PDLIM5: variants seen among roughly 807,000 people sequenced by gnomAD.
PDLIM5 encodes PDZ and LIM domain 5, also known as PDZ and LIM domain protein 5.
A neutral mutation model predicts 64.2 loss-of-function variants in PDLIM5; 34 were observed. The observed-to-expected ratio is 0.53, with a 90% CI of 0.40 to 0.71. The LOEUF is 0.71. Ranked by LOEUF, PDLIM5 falls within the 30% of genes least tolerant of loss-of-function variation. The pLI is 0.00. For missense variants in PDLIM5, 683 were observed against 733.6 expected (o/e 0.93, Z 0.80); for synonymous variants, 253 against 269.1 (o/e 0.94, Z 0.59).
At chr4:94,646,437 T>C (rs1311382728) in intron 9 of PDLIM5, among the ~76,000 whole-genome samples, 2 of 152,204 alleles carry the variant, frequency 1.3e-5, no homozygotes, top group African/African-American at 2.4e-5. Flanking sequence ...AACTTTAGCT[T>C]CCAGAACTGT....
intron 9 of PDLIM5, among the ~76,000 whole-genome samples, chr4:94,650,546 C>A (rs1371230091): frequency 6.6e-6 from 1 of 152,060 alleles, no homozygotes; most frequent in African/African-American, 2.4e-5. Context: ...ACAGTTAGTT[C>A]GTCATCCATA....
chr4:94,461,455 C>G (rs56879631), intron 2 of PDLIM5, among the ~76,000 whole-genome samples: 2,312 of 152,040 alleles, frequency 0.015, 55 homozygotes, highest in African/African-American at 0.053. Flanking sequence ...GTTGAGAAGG[C>G]AGGTTTGGTT....
chr4:94,520,531 T>A (rs1729743924), intron 2 of PDLIM5, among the ~76,000 whole-genome samples: 1 of 152,260 alleles, frequency 6.6e-6, no homozygotes, highest in Non-Finnish European at 1.5e-5. Flanking sequence ...AGATTCATAA[T>A]GCTACATCCT....
intron 3 of PDLIM5, among the ~76,000 whole-genome samples, chr4:94,533,758 C>T (rs951298586): frequency 3.3e-5 from 5 of 152,122 alleles, no homozygotes; most frequent in African/African-American, 1.2e-4. Context: ...AGTATTAGTA[C>T]GGTATCCATT....
rs1727177718 is a variant in PDLIM5, at chr4:94,494,436, T to TTTTTTTTTTTG, written c.97-29278_97-29277insGTTTTTTTTTT. 8.8e-5 allele frequency among the ~76,000 whole-genome samples: 4 copies of TTTTTTTTTTTG among 45,644 alleles called. 1 individual carries two copies. Among genetic ancestry groups the TTTTTTTTTTTG allele is most frequent in the Admixed American group, 5.6e-4 (3 of 5,328 alleles). 29.9% of individuals were successfully genotyped at this position (45,644 alleles called of 152,430 possible). ...TTCACTAATTTTTTTTTTCTTGTTT[T>TTTTTTTTTTTG]TTTTTTTTTTTTTTTTTTTTGAGAC... On this transcript the variant is annotated intron_variant, in intron 2 of 12. Coordinates refer to ENST00000317968, the MANE Select transcript of PDLIM5 (RefSeq NM_006457.5).
At chr4:94,599,699 G>A (rs755815471) in intron 7 of PDLIM5, among the ~76,000 whole-genome samples, 1 of 152,090 alleles carries the variant, frequency 6.6e-6, no homozygotes, top group Admixed American at 6.6e-5. Context: ...TTGGAATGGG[G>A]TGAAGAGGAA....
chr4:94,486,289 GTAGCC>G (rs1726333729), intron 2 of PDLIM5, among the ~76,000 whole-genome samples: 1 of 152,052 alleles, frequency 6.6e-6, no homozygotes, highest in Non-Finnish European at 1.5e-5. Flanking sequence ...GGTTTTATAT[GTAGCC>G]TCTACATAAA....
chr4:94,545,834 T>C (rs1292216722), intron 3 of PDLIM5, among the ~76,000 whole-genome samples: 1 of 152,216 alleles, frequency 6.6e-6, no homozygotes, highest in Admixed American at 6.5e-5. Context: ...TTTCATCTAA[T>C]TTCTTATGGC....
At chr4:94,585,043 A>G (rs753686440) in intron 5 of PDLIM5, 2 of 1,070,688 alleles carry the variant, frequency 1.9e-6, no homozygotes. Flanking sequence ...GCATTATTTT[A>G]TATTAACATT....
At chr4:94,593,811 A>T (rs1357129553) in intron 7 of PDLIM5, among the ~76,000 whole-genome samples, 1 of 152,150 alleles carries the variant, frequency 6.6e-6, no homozygotes, top group Non-Finnish European at 1.5e-5. Context: ...CTTAAGTAGA[A>T]TCATTGACTT....
intron 3 of PDLIM5, among the ~76,000 whole-genome samples, chr4:94,560,820 G>C (rs558444528): frequency 6.6e-6 from 1 of 152,170 alleles, no homozygotes; most frequent in East Asian, 1.9e-4. Flanking sequence ...TCCACCTCCC[G>C]GGTTCACGCC....
intron 11 of PDLIM5, among the ~76,000 whole-genome samples, chr4:94,660,525 G>A (rs1304617580): frequency 2.0e-5 from 3 of 151,792 alleles, no homozygotes; most frequent in Non-Finnish European, 4.4e-5. Context: ...ATCATAATCT[G>A]AAATTTATTT....
At chr4:94,478,769 G>A (rs2126102933) in intron 2 of PDLIM5, among the ~76,000 whole-genome samples, 1 of 152,116 alleles carries the variant, frequency 6.6e-6, no homozygotes, top group Middle Eastern at 3.4e-3. Flanking sequence ...AGAAATGGTA[G>A]GCCGCTTGCT....
chr4:94,507,159 G>A (rs1728463604), intron 2 of PDLIM5, among the ~76,000 whole-genome samples: 1 of 151,802 alleles, frequency 6.6e-6, no homozygotes, highest in South Asian at 2.1e-4. Context: ...GCTTGCAGAT[G>A]GCCTATCGTG....
chr4:94,564,709 GCAGTAGGGCCATCT>G (rs1169684396), intron 3 of PDLIM5, among the ~76,000 whole-genome samples: 8 of 140,416 alleles, frequency 5.7e-5, no homozygotes, highest in Admixed American at 3.7e-4. Flanking sequence ...AGGCTGGAGT[GCAGTAGGGCCATCT>G]CAGCTCACTG....
chr4:94,504,422 G>T (rs1728206621), intron 2 of PDLIM5, among the ~76,000 whole-genome samples: 1 of 152,070 alleles, frequency 6.6e-6, no homozygotes, highest in Admixed American at 6.5e-5. Flanking sequence ...GAGTAGCTGG[G>T]ATTACAGGTG....
At chr4:94,604,371 C>T (rs1311299507) in intron 7 of PDLIM5, among the ~76,000 whole-genome samples, 8 of 152,124 alleles carry the variant, frequency 5.3e-5, no homozygotes, top group East Asian at 1.9e-4. Flanking sequence ...TGGTGGCTCA[C>T]GCCTGTAATC....
At chr4:94,616,007 G>C (rs1249264790) in intron 7 of PDLIM5, among the ~76,000 whole-genome samples, 1 of 152,156 alleles carries the variant, frequency 6.6e-6, no homozygotes, top group Non-Finnish European at 1.5e-5. Flanking sequence ...TTTTAAGTCA[G>C]TTTGTCTGGC....
rs113309689 is a variant in PDLIM5 at position 94,651,931 on chromosome 4, C to T, written c.1284-2529C>T. On this transcript the variant is annotated intron_variant, in intron 9 of 12. Transcript: ENST00000317968. Reference sequence around the variant, plus strand: ...ACCGTTCATAAAAGGAATAATCCTGCGGGGTGCAGCAGGCCCAATATGCTG... The same window carrying T: ...ACCGTTCATAAAAGGAATAATCCTGTGGGGTGCAGCAGGCCCAATATGCTG... Among the ~76,000 whole-genome samples the T allele has an allele frequency of 9.5e-3, 1,445 of 152,278 alleles. 6 individuals carry two copies. Among genetic ancestry groups the T allele is most frequent in the Middle Eastern group, 0.024 (7 of 294 alleles).
Sources: gnomAD v4.1 joint callset for allele counts (sites outside exome capture counted in the v4.1 genomes callset) on GRCh38, gnomAD v4.1.1 for gene constraint, MANE v1.5 for transcripts, NCBI Gene and HGNC (gene_info 2026-07-23, HGNC 2026-07-21) for gene names.